The following CLSTN2 variants were observed in gnomAD, a reference collection of about 807,000 sequenced individuals.
CLSTN2 encodes the protein calsyntenin-2.
A neutral mutation model predicts 101.2 loss-of-function variants in CLSTN2; 48 were observed. That is an observed-to-expected ratio of 0.47 (90% CI 0.38 to 0.60). The LOEUF is 0.60. Ranked by LOEUF, CLSTN2 falls within the 20% of genes least tolerant of loss-of-function variation. The pLI, the probability that CLSTN2 is intolerant of heterozygous loss-of-function variation, is 0.00. For synonymous variants in CLSTN2, 481 were observed against 463.6 expected, an observed-to-expected ratio of 1.04 and a Z score of -0.48; for missense variants, 1,160 against 1,238.2, an observed-to-expected ratio of 0.94 and a Z score of 0.95.
chr3:140,195,732 ACTG>A (rs2010634510), intron 2 of CLSTN2, among the ~76,000 whole-genome samples: 1 of 152,170 alleles, frequency 6.6e-6, no homozygotes, highest in Non-Finnish European at 1.5e-5. Context: ...AATACTGCTG[ACTG>A]TATTTCACTC....
intron 4 of CLSTN2, among the ~76,000 whole-genome samples, chr3:140,410,442 G>A (rs1013128757): frequency 2.0e-5 from 3 of 150,648 alleles, no homozygotes; most frequent in Non-Finnish European, 4.4e-5. Context: ...CCAACCAAGG[G>A]TACTTTACCT....
intron 2 of CLSTN2, among the ~76,000 whole-genome samples, chr3:140,216,219 C>A (rs921221143): frequency 6.6e-6 from 1 of 152,070 alleles, no homozygotes; most frequent in Non-Finnish European, 1.5e-5. Context: ...CCGCCTCCCA[C>A]CCCCATCCAT....
chr3:140,482,311 G>T (rs183527946), intron 8 of CLSTN2, among the ~76,000 whole-genome samples: 170 of 152,310 alleles, frequency 1.1e-3, no homozygotes, highest in African/African-American at 3.9e-3. Flanking sequence ...CTTGATTGTG[G>T]TGGATAAGCT....
intron 2 of CLSTN2, among the ~76,000 whole-genome samples, chr3:140,286,316 A>C (rs945657726): frequency 2.6e-5 from 4 of 151,626 alleles, no homozygotes; most frequent in African/African-American, 9.8e-5. Context: ...AGATCTGGGG[A>C]AACTCTTTGG....
chr3:140,514,061 T>A (rs915870584), intron 8 of CLSTN2, among the ~76,000 whole-genome samples: 14 of 152,158 alleles, frequency 9.2e-5, no homozygotes, highest in Non-Finnish European at 1.9e-4. Flanking sequence ...CATTTATTTT[T>A]TTGAAGTGTT....
chr3:140,249,662 T>G (rs116393171), intron 2 of CLSTN2, among the ~76,000 whole-genome samples: 1 of 152,188 alleles, frequency 6.6e-6, no homozygotes, highest in Non-Finnish European at 1.5e-5. Context: ...GGGGGACTGA[T>G]AGGGAAAGAG....
At chr3:140,464,526 A>T (rs753354822) in intron 7 of CLSTN2, among the ~76,000 whole-genome samples, 23 of 152,218 alleles carry the variant, frequency 1.5e-4, no homozygotes, top group Non-Finnish European at 2.8e-4. Flanking sequence ...TAAATCAGGT[A>T]CCCTGGCATA....
chr3:140,517,710 C>G (rs1046122801), intron 8 of CLSTN2, among the ~76,000 whole-genome samples: 1 of 152,148 alleles, frequency 6.6e-6, no homozygotes, highest in African/African-American at 2.4e-5. Context: ...AGTATCTGCT[C>G]TGGTGGAGGT....
chr3:140,570,932 GTTT>G lies in CLSTN2; in HGVS notation c.*4682_*4684del. Reference sequence around the variant, plus strand: ...CTGAACAACAGGAAAAAGTGCCATAGTTTTTAATTAAGCTGTTTTAAAAGTCCA... The same window carrying G: ...CTGAACAACAGGAAAAAGTGCCATAGTTAATTAAGCTGTTTTAAAAGTCCA... On this transcript the variant is annotated 3_prime_UTR_variant, in exon 17 of 17. Transcript: ENST00000458420. 6.6e-6 allele frequency: 1 copy of G among 152,358 alleles called. No homozygotes were observed. Among genetic ancestry groups the G allele is most frequent in the Non-Finnish European group, 1.5e-5 (1 of 68,044 alleles). 9.4% of individuals were successfully genotyped at this position (152,358 alleles called of 1,614,324 possible).
chr3:140,246,193 G>A (rs1038473157), intron 2 of CLSTN2, among the ~76,000 whole-genome samples: 3 of 152,214 alleles, frequency 2.0e-5, no homozygotes, highest in African/African-American at 7.2e-5. Context: ...CCTATCAGAT[G>A]AAAGTTGAGT....
At chr3:139,979,621 C>A (rs1042792110) in intron 1 of CLSTN2, among the ~76,000 whole-genome samples, 1 of 152,180 alleles carries the variant, frequency 6.6e-6, no homozygotes, top group African/African-American at 2.4e-5. Flanking sequence ...TCTCAGTGGC[C>A]TCATCTCTTT....
intron 1 of CLSTN2, among the ~76,000 whole-genome samples, chr3:140,117,291 T>C (rs2009261221): frequency 6.6e-6 from 1 of 152,194 alleles, no homozygotes; most frequent in Non-Finnish European, 1.5e-5. Flanking sequence ...GTGTCCTCAG[T>C]GCATGTAACC....
chr3:140,283,531 GT>G (rs2086867971), intron 2 of CLSTN2, among the ~76,000 whole-genome samples: 1 of 152,132 alleles, frequency 6.6e-6, no homozygotes, highest in Admixed American at 6.5e-5. Flanking sequence ...TTCATGAGGG[GT>G]TAGGGGATGG....
chr3:140,028,261 A>G (rs1244101735), intron 1 of CLSTN2, among the ~76,000 whole-genome samples: 2 of 152,158 alleles, frequency 1.3e-5, no homozygotes, highest in East Asian at 3.8e-4. Flanking sequence ...CATTCCCAGC[A>G]AGTGGCAGGC....
intron 2 of CLSTN2, among the ~76,000 whole-genome samples, chr3:140,226,365 GA>G (rs1559811753): frequency 1.3e-5 from 2 of 152,148 alleles, no homozygotes; most frequent in Non-Finnish European, 2.9e-5. Context: ...TTATCACTGG[GA>G]AAAGCTGAGT....
At chr3:140,194,463 A>T (rs2010615554) in intron 2 of CLSTN2, among the ~76,000 whole-genome samples, 1 of 152,142 alleles carries the variant, frequency 6.6e-6, no homozygotes, top group Non-Finnish European at 1.5e-5. Flanking sequence ...ATAAACATTC[A>T]GTCTGTAGCA....
intron 2 of CLSTN2, among the ~76,000 whole-genome samples, chr3:140,257,014 C>A (rs887257403): frequency 5.9e-5 from 9 of 152,100 alleles, no homozygotes; most frequent in African/African-American, 2.2e-4. Context: ...ATAGGCCGGG[C>A]GCGATGGCTC....
chr3:140,357,669 G>C (rs1302881463), intron 2 of CLSTN2, among the ~76,000 whole-genome samples: 1 of 152,090 alleles, frequency 6.6e-6, no homozygotes, highest in Non-Finnish European at 1.5e-5. Context: ...GAGAGAGCAG[G>C]GCAGAGACTC....
intron 2 of CLSTN2, among the ~76,000 whole-genome samples, chr3:140,192,795 T>TC (rs2010587775): frequency 6.6e-6 from 1 of 151,984 alleles, no homozygotes; most frequent in South Asian, 2.1e-4. Flanking sequence ...CATTTATATT[T>TC]ATATGGTAGG....
Sources: allele counts gnomAD v4.1 joint callset (sites outside exome capture counted in the v4.1 genomes callset), GRCh38; gene constraint gnomAD v4.1.1; transcripts MANE v1.5; gene names NCBI Gene and HGNC (gene_info 2026-07-23, HGNC 2026-07-21).